SMARCAD1: variants seen among roughly 807,000 people sequenced by gnomAD.
The protein encoded by SMARCAD1 is SWI/SNF-related matrix-associated actin-dependent regulator of chromatin subfamily A containing DEAD/H box 1.
Under a neutral mutation model 127.1 loss-of-function variants are expected in SMARCAD1, and 25 were observed. That is an observed-to-expected ratio of 0.20 (90% CI 0.14 to 0.27). The LOEUF is 0.27. Among genes scored for constraint, SMARCAD1 ranks in the 10% least tolerant of loss-of-function variants. The pLI is 1.00. For synonymous variants in SMARCAD1, 400 were observed against 396.9 expected, an observed-to-expected ratio of 1.01 and a Z score of -0.09; for missense variants, 807 against 1,206.0, an observed-to-expected ratio of 0.67 and a Z score of 4.90.
rs1011161454 is a variant in SMARCAD1 at position 94,253,686 on chromosome 4, C to T, written c.1281+679C>T. On this transcript the variant is annotated intron_variant, in intron 9 of 23. Transcript: ENST00000354268. ...CATAAGCACTGGTAAGTACACTTTG[C>T]ATGATCATTTTCTGGAATTTGACTT... 27 of 996,376 alleles carry T rather than the reference C, an allele frequency of 2.7e-5. No individual in the cohort carries two copies. The South Asian group carries it at 8.7e-4, about 32-fold the overall frequency. 61.7% of individuals were successfully genotyped at this position (996,376 alleles called of 1,614,324 possible). A position where few individuals can be genotyped will look rare whatever the true frequency, so the allele number is the denominator to read the frequency against.
intron 9 of SMARCAD1, among the ~76,000 whole-genome samples, chr4:94,255,204 C>T (rs1749880592): frequency 6.6e-6 from 1 of 152,026 alleles, no homozygotes; most frequent in Non-Finnish European, 1.5e-5. Context: ...TAAGAACAAC[C>T]TGCTAACAAA....
chr4:94,282,242 G>T (rs919422765), intron 21 of SMARCAD1, among the ~76,000 whole-genome samples: 3 of 108,396 alleles, frequency 2.8e-5, no homozygotes, highest in Non-Finnish European at 4.1e-5. Flanking sequence ...GACTACAGGC[G>T]CCTGCTACCA....
chr4:94,249,703 A>G lies in SMARCAD1; in HGVS notation c.755A>G (p.Gln252Arg). Residue 252 changes from glutamine (Q) to arginine (R), a missense_variant, in exon 7 of 24, where the codon CAG (glutamine) becomes CGG (arginine). Gln to Arg is a conservative substitution (Grantham distance 43). Transcript: ENST00000354268. ...GAATCTAGCAGTAATTGGGAAAAGC[A>G]GGAAAGTATTGTACTGAAATTGCAA... ...SAESSSNWEK[Q>R]ESIVLKLQKE... 6.2e-7 allele frequency: 1 copy of G among 1,610,646 alleles called. No homozygotes were observed. Among genetic ancestry groups the G allele is most frequent in the Non-Finnish European group, 8.5e-7 (1 of 1,177,178 alleles).
At chr4:94,264,230 CT>C (rs1670373729) in intron 9 of SMARCAD1, among the ~76,000 whole-genome samples, 1 of 151,802 alleles carries the variant, frequency 6.6e-6, no homozygotes, top group African/African-American at 2.4e-5. Context: ...GGAAAAATAT[CT>C]TTTAAGATTA....
intron 9 of SMARCAD1, among the ~76,000 whole-genome samples, chr4:94,257,213 A>G (rs1750236061): frequency 6.6e-6 from 1 of 152,212 alleles, no homozygotes; most frequent in Non-Finnish European, 1.5e-5. Context: ...TGAAAAAAAG[A>G]TTTATCATTT....
At chr4:94,235,338 A>AT (rs1746484214) in intron 4 of SMARCAD1, among the ~76,000 whole-genome samples, 1 of 142,510 alleles carries the variant, frequency 7.0e-6, no homozygotes, top group African/African-American at 2.6e-5. Flanking sequence ...AGTGGAAAAG[A>AT]TTCGTCGCTG....
At chr4:94,276,300 A>C (rs1271581145) in intron 14 of SMARCAD1, 39 bp from the exon 15 acceptor site, 2 of 1,612,064 alleles carry the variant, frequency 1.2e-6, no homozygotes, top group Non-Finnish European at 1.7e-6. Context: ...CAAGCTCTTA[A>C]AGGTATAACC....
chr4:94,248,719 A>G (rs1346764148), intron 6 of SMARCAD1, among the ~76,000 whole-genome samples: 1 of 152,040 alleles, frequency 6.6e-6, no homozygotes, highest in African/African-American at 2.4e-5. Flanking sequence ...AACACATGCA[A>G]TTTTCTTCTT....
intron 9 of SMARCAD1, among the ~76,000 whole-genome samples, chr4:94,259,365 C>G (rs1393718288): frequency 6.6e-6 from 1 of 152,180 alleles, no homozygotes; most frequent in Non-Finnish European, 1.5e-5. Context: ...ACAGTAAATT[C>G]ATTCAATTAA....
chr4:94,268,668 A>T lies in SMARCAD1; in HGVS notation c.1482-2060A>T, dbSNP rs116048932. 9.5e-3 allele frequency among the ~76,000 whole-genome samples: 1,450 copies of T among 152,278 alleles called. 20 individuals carry two copies. Among genetic ancestry groups the T allele is most frequent in the African/African-American group, 0.033 (1,384 of 41,554 alleles). ...ACCTGGATTGGATACTGACACTACC[A>T]TTGCAGATACAGATTTGGTTAGCTA... On this transcript the variant is annotated intron_variant, in intron 10 of 23. Transcript: ENST00000354268.
At chr4:94,263,496 A>G (rs1465132303) in intron 9 of SMARCAD1, among the ~76,000 whole-genome samples, 3 of 152,172 alleles carry the variant, frequency 2.0e-5, no homozygotes, top group Non-Finnish European at 4.4e-5. Flanking sequence ...TAACAGTGCC[A>G]TTTTTGAAGT....
intron 1 of SMARCAD1, 120 bp from the exon 2 acceptor site, chr4:94,208,226 A>G (rs753079394): frequency 2.6e-6 from 2 of 756,320 alleles, no homozygotes; most frequent in Non-Finnish European, 4.8e-6. Flanking sequence ...CGCAGCCATA[A>G]CAGTCCTGAG....
intron 3 of SMARCAD1, among the ~76,000 whole-genome samples, chr4:94,230,539 A>G (rs1010629764): frequency 2.0e-5 from 3 of 152,144 alleles, no homozygotes; most frequent in African/African-American, 4.8e-5. Flanking sequence ...GAGCCAGATA[A>G]TTCTTTGTTG....
intron 4 of SMARCAD1, 96 bp from the exon 5 acceptor site, chr4:94,236,856 T>C (rs1408835654): frequency 2.1e-6 from 2 of 960,470 alleles, no homozygotes; most frequent in Non-Finnish European, 3.3e-6. Context: ...TTTCCTGTCA[T>C]GTTTATATTT....
At chr4:94,245,940 C>T (rs533748778) in intron 6 of SMARCAD1, among the ~76,000 whole-genome samples, 3 of 152,086 alleles carry the variant, frequency 2.0e-5, no homozygotes, top group South Asian at 2.1e-4. Context: ...CTCTCTAAAA[C>T]GATTTTCCCA....
At chr4:94,214,104 C>G (rs1473796079) in intron 2 of SMARCAD1, among the ~76,000 whole-genome samples, 1 of 151,936 alleles carries the variant, frequency 6.6e-6, no homozygotes, top group East Asian at 1.9e-4. Flanking sequence ...GACCAGTTTC[C>G]TTGGAATTAA....
In SMARCAD1 at chr4:94,252,677, A is replaced by G. The variant is rs1481167913; in HGVS notation, c.951A>G (p.Gln317=). The part of the protein sequence containing the change: ...PNGKEVSSRS[Q]NYPKNATKTK... Reference sequence around the variant, plus strand: ...GAAAAGAAGTTTCTTCAAGAAGTCAAAATTACCCTAAAAATGCAACTAAAA... The same window carrying G: ...GAAAAGAAGTTTCTTCAAGAAGTCAGAATTACCCTAAAAATGCAACTAAAA... Residue 317 remains glutamine (Q), a synonymous_variant, in exon 9 of 24, where the codon CAA becomes CAG. Transcript: ENST00000354268. 2.5e-6 allele frequency: 4 copies of G among 1,582,622 alleles called. No individual in the cohort carries two copies. Among genetic ancestry groups the G allele is most frequent in the Middle Eastern group, 1.7e-4 (1 of 5,894 alleles).
At chr4:94,215,369 G>A (rs1449985898) in intron 2 of SMARCAD1, among the ~76,000 whole-genome samples, 2 of 151,988 alleles carry the variant, frequency 1.3e-5, no homozygotes, top group African/African-American at 2.4e-5. Flanking sequence ...CTGTAGAGTC[G>A]CAGCACTTTG....
chr4:94,248,441 T>G (rs1748792069), intron 6 of SMARCAD1: 1 of 455,978 alleles, frequency 2.2e-6, no homozygotes, highest in African/African-American at 2.0e-5. Context: ...CTGGTTGTTG[T>G]CCATCTGTGA....
Sources: gnomAD v4.1 joint callset for allele counts (sites outside exome capture counted in the v4.1 genomes callset) on GRCh38, gnomAD v4.1.1 for gene constraint, MANE v1.5 for transcripts, NCBI Gene and HGNC (gene_info 2026-07-23, HGNC 2026-07-21) for gene names.